The following ZNF726 variants were observed in gnomAD, a reference collection of about 807,000 sequenced individuals.
The protein encoded by ZNF726 is zinc finger protein 726.
In ZNF726, 15 loss-of-function variants were observed where a neutral mutation model predicts 11.6. The observed-to-expected ratio is 1.29, with a 90% confidence interval of 0.86 to 1.99. The LOEUF (loss-of-function observed/expected upper bound fraction) is 1.99. Ranked by LOEUF, ZNF726 falls within the 30% of genes most tolerant of loss-of-function variation. The pLI is 0.00. For missense variants in ZNF726, 890 were observed against 725.6 expected, an observed-to-expected ratio of 1.23 and a Z score of -2.60; for synonymous variants, 295 against 243.6, an observed-to-expected ratio of 1.21 and a Z score of -1.96.
chr19:23,930,762 A>G (rs777237804), intron 3 of ZNF726, among the ~76,000 whole-genome samples: 2 of 152,198 alleles, frequency 1.3e-5, no homozygotes, highest in Non-Finnish European at 2.9e-5. Context: ...GGATTTGAAT[A>G]TAATTTAAAA....
At chr19:23,915,828 C>A (rs1234127872) in intron 1 of ZNF726, among the ~76,000 whole-genome samples, 1 of 152,130 alleles carries the variant, frequency 6.6e-6, no homozygotes, top group Non-Finnish European at 1.5e-5. Flanking sequence ...GTGATCCACC[C>A]ACCTCGGCCT....
chr19:23,938,301 GTAAA>G (rs1359792577), downstream of ZNF726, among the ~76,000 whole-genome samples: 7 of 152,094 alleles, frequency 4.6e-5, no homozygotes, highest in Non-Finnish European at 4.4e-5. Context: ...AATCTTAGAT[GTAAA>G]TAAATTATGG....
chr19:23,916,183 C>T lies in ZNF726; in HGVS notation c.3+1186C>T, dbSNP rs141011282. ...TCAAGTCTGCCCCTCATCCCTTATTCCTCCAGCCTGACTGGCTTGCAGTAA... is the reference window on the plus strand; with the variant it reads ...TCAAGTCTGCCCCTCATCCCTTATTTCTCCAGCCTGACTGGCTTGCAGTAA... On this transcript the variant is annotated intron_variant, in intron 1 of 3. Coordinates refer to ENST00000594466, the MANE Select transcript of ZNF726 (RefSeq NM_001244038.2). 5.9e-5 allele frequency among the ~76,000 whole-genome samples: 9 copies of T among 152,322 alleles called. No homozygotes were observed. The East Asian group carries it at 1.7e-3, about 29-fold the overall frequency.
At chr19:23,932,150 G>A (rs1413587997) in intron 3 of ZNF726, among the ~76,000 whole-genome samples, 193 bp from the exon 4 acceptor site, 1 of 152,036 alleles carries the variant, frequency 6.6e-6, no homozygotes, top group Non-Finnish European at 1.5e-5. Flanking sequence ...GTTCACATCT[G>A]TGAACATTTC....
intron 1 of ZNF726, among the ~76,000 whole-genome samples, chr19:23,916,477 C>T (rs1013429864): frequency 6.6e-6 from 1 of 152,070 alleles, no homozygotes; most frequent in Admixed American, 6.6e-5. Flanking sequence ...ATTACAGATG[C>T]CTGGCACCAC....
intron 3 of ZNF726, among the ~76,000 whole-genome samples, chr19:23,940,768 G>T (rs1427980635): frequency 6.6e-6 from 1 of 152,094 alleles, no homozygotes; most frequent in Non-Finnish European, 1.5e-5. Flanking sequence ...AAGGGGTTGA[G>T]TTCCTGATTA....
rs756008736 is a variant in ZNF726 at position 23,933,192 on chromosome 19, A to G, written c.1076A>G (p.His359Arg). The G allele has an allele frequency of 5.0e-6, 8 of 1,601,936 alleles. No individual in the cohort carries two copies. The highest frequency in any genetic ancestry group is 6.0e-6 in the Non-Finnish European group (7 of 1,173,504). ...AGCCAATTCGGACACCTTACTACAC[A>G]TAGGATAATTCATACTGGAGAGAAA... is the stretch of plus-strand genomic sequence containing the variant. ...AFSQFGHLTT[H>R]RIIHTGEKPY... Residue 359 changes from histidine to arginine, a missense_variant, in exon 4 of 4, where the codon CAT (histidine) becomes CGT (arginine). Physicochemically the swap from His to Arg is conservative, Grantham distance 29. Coordinates refer to ENST00000594466, the MANE Select transcript of ZNF726 (RefSeq NM_001244038.2).
rs1352107684 is a variant in ZNF726 at position 23,933,923 on chromosome 19, A to T, written c.1807A>T (p.Ile603Phe). The stretch of plus-strand genomic sequence containing the variant: ...GTGTGACGAATGTGGCAAATCATTT[A>T]TCTGGTCCTCAACCCTTTTTAAGCA... ...YKCDECGKSFIWSSTLFKHKR... is the reference protein window; with the variant it reads ...YKCDECGKSFFWSSTLFKHKR... The change falls in exon 4 of 4, where the codon ATC (isoleucine) becomes TTC (phenylalanine). Residue 603 changes from isoleucine (I) to phenylalanine (F), a missense_variant. Coordinates refer to ENST00000594466, the MANE Select transcript of ZNF726 (RefSeq NM_001244038.2). 7 of 1,585,684 alleles carry T rather than the reference A, an allele frequency of 4.4e-6. No individual in the cohort carries two copies. Among genetic ancestry groups the T allele is most frequent in the African/African-American group, 4.1e-5 (3 of 73,968 alleles).
downstream of ZNF726, among the ~76,000 whole-genome samples, chr19:23,936,702 G>T (rs901459828): frequency 6.9e-6 from 1 of 144,828 alleles, no homozygotes; most frequent in African/African-American, 2.6e-5. Flanking sequence ...TATCATGAAA[G>T]AAAAACTTTT....
At chr19:23,928,179 C>G (rs1968028875) in intron 3 of ZNF726, 1 of 152,198 alleles carries the variant, frequency 6.6e-6, no homozygotes, top group African/African-American at 2.4e-5. Context: ...TCAATCATGA[C>G]TGTAAGCTTG....
At chr19:23,926,716 T>G (rs1967997585) in intron 3 of ZNF726, among the ~76,000 whole-genome samples, 1 of 152,202 alleles carries the variant, frequency 6.6e-6, no homozygotes, top group African/African-American at 2.4e-5. Context: ...TTTTTTCTAC[T>G]GTGTGCTCAT....
intron 1 of ZNF726, among the ~76,000 whole-genome samples, chr19:23,918,305 A>G (rs747937936): frequency 6.6e-6 from 1 of 152,216 alleles, no homozygotes; most frequent in South Asian, 2.1e-4. Flanking sequence ...TACAGTATTC[A>G]ACATCTATGC....
intron 3 of ZNF726, among the ~76,000 whole-genome samples, chr19:23,931,485 G>A (rs1039773557): frequency 6.6e-6 from 1 of 151,352 alleles, no homozygotes; most frequent in Non-Finnish European, 1.5e-5. Context: ...TAAAATTAAT[G>A]TATAAATCTT....
At chr19:23,942,151 TG>T (rs1336711478) in intron 3 of ZNF726, among the ~76,000 whole-genome samples, 4 of 152,144 alleles carry the variant, frequency 2.6e-5, no homozygotes, top group African/African-American at 9.7e-5. Context: ...AGGTTTTGAT[TG>T]GTTGTGTCAT....
rs184710576 is a variant in ZNF726, at chr19:23,930,224, T to G, written c.227-2119T>G. ...AATCAAATATTATTGGTTAGAAATA[T>G]TTTTTCCTTTTATTACATCAAAATT... On this transcript the variant is annotated intron_variant, in intron 3 of 3. Coordinates refer to ENST00000594466, the MANE Select transcript of ZNF726 (RefSeq NM_001244038.2). 2.6e-3 allele frequency among the ~76,000 whole-genome samples: 393 copies of G among 152,310 alleles called. 1 individual carries two copies. Among genetic ancestry groups the G allele is most frequent in the African/African-American group, 8.8e-3 (367 of 41,588 alleles).
At chr19:23,941,568 A>C (rs771546554) in intron 3 of ZNF726, among the ~76,000 whole-genome samples, 21 of 152,004 alleles carry the variant, frequency 1.4e-4, no homozygotes, top group Admixed American at 3.3e-4. Context: ...AATTCTTTGA[A>C]TATCTGGTAG....
At chr19:23,926,252 A>G (rs1967984399) in intron 3 of ZNF726, among the ~76,000 whole-genome samples, 1 of 152,094 alleles carries the variant, frequency 6.6e-6, no homozygotes, top group African/African-American at 2.4e-5. Flanking sequence ...TATATATTTT[A>G]AAGAGATTAA....
chr19:23,915,067 G>T, intron 1 of ZNF726, 70 bp downstream of exon 1: 1 of 1,611,034 alleles, frequency 6.2e-7, no homozygotes, highest in Non-Finnish European at 8.5e-7. Context: ...AAGCGGCAGT[G>T]GCGGGACTCA....
At chr19:23,927,377 A>C (rs541775673) in intron 3 of ZNF726, among the ~76,000 whole-genome samples, 1 of 152,238 alleles carries the variant, frequency 6.6e-6, no homozygotes, top group East Asian at 1.9e-4. Flanking sequence ...TTTTATTTTT[A>C]TATATTTTTA....
Sources: allele counts gnomAD v4.1 joint callset (sites outside exome capture counted in the v4.1 genomes callset), GRCh38; gene constraint gnomAD v4.1.1; transcripts MANE v1.5; gene names NCBI Gene and HGNC (gene_info 2026-07-23, HGNC 2026-07-21).